RNF38: variants seen among roughly 807,000 people sequenced by gnomAD.
The protein encoded by RNF38 is ring finger protein 38, also known as E3 ubiquitin-protein ligase RNF38.
In RNF38, 15 loss-of-function variants were observed where a neutral mutation model predicts 67.2. The ratio of observed to expected loss-of-function variants is 0.22; its 90% CI spans 0.15 to 0.34. The LOEUF (loss-of-function observed/expected upper bound fraction) is 0.34. Among genes scored for constraint, RNF38 ranks in the 10% least tolerant of loss-of-function variants. The probability of loss-of-function intolerance (pLI) is 1.00; values close to 1 mark genes in which losing one functional copy is unlikely to be tolerated. For synonymous variants in RNF38, 220 were observed against 218.8 expected, an observed-to-expected ratio of 1.01 and a Z score of -0.05; for missense variants, 524 against 639.9, an observed-to-expected ratio of 0.82 and a Z score of 1.95.
chr9:36,353,770 G>GT (rs1256107235), intron 6 of RNF38, among the ~76,000 whole-genome samples: 4 of 152,188 alleles, frequency 2.6e-5, no homozygotes, highest in Non-Finnish European at 1.5e-5. Context: ...ATGAGATATG[G>GT]TACAGAGGCA....
intron 1 of RNF38, among the ~76,000 whole-genome samples, chr9:36,486,942 G>T (rs1021447913): frequency 6.6e-6 from 1 of 152,176 alleles, no homozygotes; most frequent in East Asian, 1.9e-4. Context: ...CCTCTGCTCG[G>T]GGCCCGCGCC....
rs201478942 is a variant in RNF38 at position 36,357,768 on chromosome 9, G to A, written c.738+7C>T. The A allele has an allele frequency of 6.2e-7, 1 of 1,611,856 alleles. No individual in the cohort carries two copies. Among genetic ancestry groups the A allele is most frequent in the Admixed American group, 1.7e-5 (1 of 59,976 alleles). On this transcript the variant is annotated splice_region_variant and intron_variant, in intron 5 of 11. Coordinates refer to ENST00000259605, the MANE Select transcript of RNF38 (RefSeq NM_022781.5). Reference sequence around the variant, plus strand: ...AATATCTAATGAGAACAAAGATAGAGACTTACTGGAGGAGGCACACTACAG... The same window carrying A: ...AATATCTAATGAGAACAAAGATAGAAACTTACTGGAGGAGGCACACTACAG...
chr9:36,357,922 A>G lies in RNF38; in HGVS notation c.591T>C (p.Pro197=). ...IHDQLHQGTV[P]VSYTVTTVAP... is the part of the protein sequence containing the mutation. Reference sequence around the variant, plus strand: ...CCACTGTTGTTACTGTGTAAGAAACAGGGACTGTTCCTTGATGGAGCTTTA... The same window carrying G: ...CCACTGTTGTTACTGTGTAAGAAACGGGGACTGTTCCTTGATGGAGCTTTA... The change falls in exon 5 of 12, where the codon CCT becomes CCC. Residue 197 remains proline (P), a synonymous_variant. Coordinates refer to ENST00000259605, the MANE Select transcript of RNF38 (RefSeq NM_022781.5). 6.2e-7 allele frequency: 1 copy of G among 1,613,850 alleles called. No homozygotes were observed. Among genetic ancestry groups the G allele is most frequent in the Non-Finnish European group, 8.5e-7 (1 of 1,179,876 alleles).
chr9:36,454,270 T>C (rs1048387707), intron 1 of RNF38, among the ~76,000 whole-genome samples: 1 of 151,882 alleles, frequency 6.6e-6, no homozygotes, highest in Non-Finnish European at 1.5e-5. Context: ...ATTACAGGCA[T>C]CCGCCACCAT....
At chr9:36,469,842 G>A (rs1363789123) in intron 1 of RNF38, among the ~76,000 whole-genome samples, 1 of 152,096 alleles carries the variant, frequency 6.6e-6, no homozygotes, top group African/African-American at 2.4e-5. Flanking sequence ...GCCGGGAGTA[G>A]TGGCACCCAC....
upstream of RNF38, chr9:36,401,028 G>GT (rs2134159000): frequency 3.0e-6 from 3 of 984,628 alleles, 1 homozygote; most frequent in South Asian, 1.4e-4. Flanking sequence ...GCTAGGCCGC[G>GT]ACACGCGCGG....
chr9:36,457,970 C>G (rs1210512684), intron 1 of RNF38, among the ~76,000 whole-genome samples: 2 of 152,200 alleles, frequency 1.3e-5, no homozygotes, highest in Non-Finnish European at 2.9e-5. Flanking sequence ...TTTATCAGAT[C>G]CTCAAAAGAG....
At chr9:36,487,578 C>T (rs1031025726), upstream of RNF38, 28 of 980,582 alleles carry the variant, frequency 2.9e-5, no homozygotes, top group African/African-American at 8.8e-5. Context: ...CCGCGAGCAG[C>T]GGCTCCGGCT....
intron 1 of RNF38, among the ~76,000 whole-genome samples, chr9:36,479,285 T>C (rs1256379933): frequency 6.6e-6 from 1 of 152,174 alleles, no homozygotes; most frequent in African/African-American, 2.4e-5. Context: ...AGCTTCTTTG[T>C]ATAATGGTGG....
At chr9:36,379,681 G>A (rs1836058817) in intron 2 of RNF38, among the ~76,000 whole-genome samples, 2 of 152,102 alleles carry the variant, frequency 1.3e-5, no homozygotes, top group African/African-American at 2.4e-5. Flanking sequence ...TGAAATTCCA[G>A]GAATGGTAGT....
chr9:36,374,481 G>A (rs902244451), intron 3 of RNF38, among the ~76,000 whole-genome samples: 6 of 152,048 alleles, frequency 3.9e-5, no homozygotes, highest in African/African-American at 9.7e-5. Flanking sequence ...TGAGTTCCCC[G>A]ACATCTCTTT....
In RNF38 at chr9:36,406,231, T is replaced by C. The variant is rs73648755; in HGVS notation, n.313-15615A>G. 3.8e-3 allele frequency among the ~76,000 whole-genome samples: 574 copies of C among 152,362 alleles called. 3 individuals carry two copies. Among genetic ancestry groups the C allele is most frequent in the African/African-American group, 0.013 (549 of 41,588 alleles). On this transcript the variant is annotated intron_variant and non_coding_transcript_variant, in intron 2 of 3. Transcript: ENST00000488058. ...TCCTATTTTAAGGCATTGAAAGGCA[T>C]GATTCAACAGCTACAGGTAAAGAAC...
At chr9:36,378,265 C>T (rs1835928761) in intron 2 of RNF38, among the ~76,000 whole-genome samples, 1 of 151,532 alleles carries the variant, frequency 6.6e-6, no homozygotes. Context: ...CAACCTCCGC[C>T]TCCTGGGTTC....
chr9:36,365,980 C>T (rs776880149), intron 4 of RNF38, among the ~76,000 whole-genome samples: 13 of 152,020 alleles, frequency 8.6e-5, no homozygotes, highest in Non-Finnish European at 1.9e-4. Context: ...TGATAGTTAA[C>T]TTCTTTAGTA....
chr9:36,380,447 G>A (rs753172482), intron 2 of RNF38, among the ~76,000 whole-genome samples: 19 of 151,958 alleles, frequency 1.3e-4, no homozygotes, highest in Non-Finnish European at 2.5e-4. Context: ...TGATCTGCCC[G>A]CCTTGGCCTC....
intron 1 of RNF38, among the ~76,000 whole-genome samples, chr9:36,443,306 T>C (rs1298657199): frequency 1.3e-5 from 2 of 151,996 alleles, no homozygotes; most frequent in Non-Finnish European, 2.9e-5. Context: ...ATGAGAGAAA[T>C]GTCTGTGCCT....
intron 2 of RNF38, among the ~76,000 whole-genome samples, chr9:36,414,827 G>T (rs981678399): frequency 4.6e-5 from 7 of 152,160 alleles, no homozygotes; most frequent in South Asian, 2.1e-4. Context: ...TAGTTTCACT[G>T]GATACAAAAT....
At chr9:36,437,505 A>C (rs1839097079) in intron 1 of RNF38, among the ~76,000 whole-genome samples, 1 of 152,146 alleles carries the variant, frequency 6.6e-6, no homozygotes, top group Non-Finnish European at 1.5e-5. Context: ...ACATTCTAAA[A>C]ACCGAAGAAG....
intron 2 of RNF38, among the ~76,000 whole-genome samples, chr9:36,380,449 C>A (rs1342087119): frequency 6.6e-6 from 1 of 151,910 alleles, no homozygotes; most frequent in Admixed American, 6.6e-5. Context: ...ATCTGCCCGC[C>A]TTGGCCTCCC....
Sources: allele counts gnomAD v4.1 joint callset (sites outside exome capture counted in the v4.1 genomes callset), GRCh38; gene constraint gnomAD v4.1.1; transcripts MANE v1.5; gene names NCBI Gene and HGNC (gene_info 2026-07-23, HGNC 2026-07-21).